The following PUS10 variants were observed in gnomAD, a reference collection of about 807,000 sequenced individuals.
The protein encoded by PUS10 is tRNA pseudouridine synthase Pus10.
Under a neutral mutation model 75.0 loss-of-function variants are expected in PUS10, and 59 were observed. The observed-to-expected ratio is 0.79, with a 90% CI of 0.64 to 0.98. PUS10 has a LOEUF of 0.98. PUS10 is among the 50% of genes least tolerant of loss of function. PUS10 has a pLI of 0.00. For missense variants in PUS10, 650 were observed against 614.4 expected, an observed-to-expected ratio of 1.06 and a Z score of -0.61; for synonymous variants, 219 against 211.6, an observed-to-expected ratio of 1.03 and a Z score of -0.30.
chr2:60,997,761 G>T lies in PUS10; in HGVS notation c.468+8796C>A, dbSNP rs372035092. Among the ~76,000 whole-genome samples the T allele has an allele frequency of 1.2e-3, 181 of 152,246 alleles. 5 individuals are homozygous for T. In the South Asian group the frequency reaches 0.036, roughly 31 times the overall value. On this transcript the variant is annotated intron_variant, in intron 4 of 17. Coordinates refer to ENST00000316752, the MANE Select transcript of PUS10 (RefSeq NM_144709.4). ...AGTTTAAAGGAATCAAACTTGCTTT[G>T]CATGGATAAGTGGACCATATAGGAA...
intron 4 of PUS10, among the ~76,000 whole-genome samples, chr2:60,975,833 C>T (rs1026979730): frequency 3.3e-5 from 5 of 152,160 alleles, no homozygotes; most frequent in Admixed American, 2.6e-4. Flanking sequence ...ACGATCTCGG[C>T]TCACTGCACC....
At position 60,961,502 on chromosome 2, in the gene PUS10, G is replaced by GA. The variant is rs1676025228; in HGVS notation, c.834dup (p.Leu279SerfsTer2). 1.2e-6 allele frequency: 2 copies of GA among 1,613,916 alleles called. No homozygotes were observed. Among genetic ancestry groups the GA allele is most frequent in the South Asian group, 2.2e-5 (2 of 91,084 alleles). On this transcript the variant is annotated frameshift_variant, in exon 10 of 18. Coordinates refer to ENST00000316752, the MANE Select transcript of PUS10 (RefSeq NM_144709.4). LOFTEE classifies it high-confidence loss of function. ...GCACCATGAGCACATTCAATTTCAA[G>GA]AACAGCGCATACAGCCTTTGGTGAG...
chr2:60,997,226 A>C (rs1489982962), intron 4 of PUS10, among the ~76,000 whole-genome samples: 1 of 152,134 alleles, frequency 6.6e-6, no homozygotes, highest in Non-Finnish European at 1.5e-5. Context: ...GTTACTATAC[A>C]CTCGCCAACC....
intron 6 of PUS10, chr2:60,966,317 G>T (rs920698527): frequency 6.6e-5 from 10 of 152,116 alleles, no homozygotes; most frequent in African/African-American, 2.4e-4. Context: ...TCGGGGAGGG[G>T]TCAGGGGCAG....
chr2:60,984,691 T>C (rs1006131825), intron 4 of PUS10, among the ~76,000 whole-genome samples: 7 of 152,198 alleles, frequency 4.6e-5, no homozygotes, highest in Non-Finnish European at 1.0e-4. Context: ...ATGAATTAAT[T>C]TAAGAAATTC....
intron 5 of PUS10, among the ~76,000 whole-genome samples, chr2:60,970,765 G>T (rs1028554744): frequency 1.3e-5 from 2 of 152,108 alleles, no homozygotes; most frequent in Non-Finnish European, 2.9e-5. Flanking sequence ...TTCAGATAAA[G>T]GATTGTGAAT....
At chr2:60,976,361 C>G (rs1345282073) in intron 4 of PUS10, among the ~76,000 whole-genome samples, 1 of 152,212 alleles carries the variant, frequency 6.6e-6, no homozygotes, top group Admixed American at 6.5e-5. Context: ...TCAATGAAAT[C>G]TGAGCTATAG....
At chr2:61,007,807 C>G (rs1295936451) in intron 3 of PUS10, among the ~76,000 whole-genome samples, 1 of 150,912 alleles carries the variant, frequency 6.6e-6, no homozygotes, top group Non-Finnish European at 1.5e-5. Flanking sequence ...AGAATTTGGC[C>G]GGGCACGGTG....
At chr2:60,998,428 A>C (rs35852308) in intron 4 of PUS10, among the ~76,000 whole-genome samples, 17,678 of 152,232 alleles carry the variant, frequency 0.12, 1,399 homozygotes, top group Non-Finnish European at 0.17. Flanking sequence ...GCAGTGGTTC[A>C]TGCCTGTAAT....
intron 11 of PUS10, among the ~76,000 whole-genome samples, chr2:60,958,876 A>G (rs922377813): frequency 6.6e-6 from 1 of 151,472 alleles, no homozygotes; most frequent in Non-Finnish European, 1.5e-5. Flanking sequence ...ACAAAGTAAG[A>G]CTCTGTCTCA....
chr2:60,962,310 G>A (rs537312484), intron 9 of PUS10, among the ~76,000 whole-genome samples: 26 of 152,284 alleles, frequency 1.7e-4, no homozygotes, highest in African/African-American at 6.0e-4. Flanking sequence ...GGTGGCTCAC[G>A]CCTGTAATCC....
chr2:60,965,004 T>G, intron 8 of PUS10, 54 bp downstream of exon 8: 1 of 1,484,208 alleles, frequency 6.7e-7, no homozygotes, highest in Non-Finnish European at 9.3e-7. Context: ...GAAATTTGAA[T>G]ATTCAGCTCA....
chr2:60,940,944 T>C lies in PUS10; in HGVS notation c.*1451A>G, dbSNP rs1216111510. 1 of 152,362 alleles carries C rather than the reference T, an allele frequency of 6.6e-6. No individual in the cohort carries two copies. Among genetic ancestry groups the C allele is most frequent in the East Asian group, 1.9e-4 (1 of 5,342 alleles). 9.4% of individuals were successfully genotyped at this position (152,362 alleles called of 1,614,324 possible). A position where few individuals can be genotyped will look rare whatever the true frequency, so the allele number is the denominator to read the frequency against. The stretch of plus-strand genomic sequence containing the variant: ...GTATGAAACTATGTTGGTTCCAACG[T>C]GGCTGACTCCTTTGTGTCCATTAAA... On this transcript the variant is annotated 3_prime_UTR_variant, in exon 18 of 18. Coordinates refer to ENST00000316752, the MANE Select transcript of PUS10 (RefSeq NM_144709.4).
chr2:60,954,104 T>C lies in PUS10; in HGVS notation c.1112A>G (p.Gln371Arg), dbSNP rs112614800. 212 of 1,614,170 alleles carry C rather than the reference T, an allele frequency of 1.3e-4. No individual in the cohort carries two copies. In the African/African-American group the frequency reaches 2.3e-3, roughly 17 times the overall value. The part of the protein sequence containing the change: ...VNPHRVHFTS[Q>R]EIKELQQKIN... The stretch of plus-strand genomic sequence containing the variant: ...TACCTGCTGAAGTTCCTTAATTTCT[T>C]GTGAAGTGAAATGTACTCTATGAGG... Residue 371 changes from glutamine (Q) to arginine (R), a missense_variant, in exon 13 of 18, where the codon CAA becomes CGA. Gln to Arg is a conservative substitution (Grantham distance 43). Coordinates refer to ENST00000316752, the MANE Select transcript of PUS10 (RefSeq NM_144709.4).
At chr2:60,953,158 TA>T in intron 14 of PUS10, 44 bp from the exon 15 acceptor site, 1 of 1,096,118 alleles carries the variant, frequency 9.1e-7, no homozygotes, top group South Asian at 1.3e-5. Flanking sequence ...ATAAACAAAA[TA>T]CAAAAAAACC....
At chr2:60,988,632 G>A (rs1020453010) in intron 4 of PUS10, among the ~76,000 whole-genome samples, 2 of 151,750 alleles carry the variant, frequency 1.3e-5, no homozygotes, top group Non-Finnish European at 2.9e-5. Flanking sequence ...TTGAGGATGC[G>A]GTTTTTGTTT....
At chr2:60,971,966 G>T (rs1676701392) in intron 4 of PUS10, among the ~76,000 whole-genome samples, 1 of 145,974 alleles carries the variant, frequency 6.9e-6, no homozygotes, top group African/African-American at 2.5e-5. Flanking sequence ...TGCTTCCTAG[G>T]TTCAAGATAT....
Position 60,983,608 on chromosome 2 carries a change from C to T in PUS10, c.469-12051G>A, listed in dbSNP as rs141445391. Among the ~76,000 whole-genome samples, 1,430 of 151,286 alleles carry T rather than the reference C, an allele frequency of 9.5e-3. 18 individuals are homozygous for T. Among genetic ancestry groups the T allele is most frequent in the African/African-American group, 0.033 (1,342 of 41,226 alleles). ...AGGAGAATCGCTTGAACCAGGGAGG[C>T]GGAGGTTGCAGTGAGCCGAGATCGC... On this transcript the variant is annotated intron_variant, in intron 4 of 17. Coordinates refer to ENST00000316752, the MANE Select transcript of PUS10 (RefSeq NM_144709.4).
chr2:60,996,906 G>C (rs1346187072), intron 4 of PUS10, among the ~76,000 whole-genome samples: 1 of 152,164 alleles, frequency 6.6e-6, no homozygotes, highest in Non-Finnish European at 1.5e-5. Flanking sequence ...TTCCCAATAG[G>C]TATCAATGGG....
Sources: gnomAD v4.1 joint callset for allele counts (sites outside exome capture counted in the v4.1 genomes callset) on GRCh38, gnomAD v4.1.1 for gene constraint, MANE v1.5 for transcripts, NCBI Gene and HGNC (gene_info 2026-07-23, HGNC 2026-07-21) for gene names.